Variants in SF3B3 observed in about 807,000 individuals in gnomAD.
SF3B3 encodes the protein splicing factor 3b subunit 3, also known as SAP 130.
SF3B3 carries 33 observed loss-of-function variants against 139.2 expected under a neutral mutation model. The observed-to-expected ratio is 0.24, with a 90% confidence interval of 0.18 to 0.32. The LOEUF (loss-of-function observed/expected upper bound fraction) is 0.32, where lower values mean the gene tolerates loss of function less well. Among genes scored for constraint, SF3B3 ranks in the 10% least tolerant of loss-of-function variants. The probability of loss-of-function intolerance (pLI) is 1.00; values close to 1 mark genes in which losing one functional copy is unlikely to be tolerated. For missense variants in SF3B3, 818 were observed against 1,509.4 expected (o/e 0.54, Z 7.59); for synonymous variants, 596 against 563.6 (o/e 1.06, Z -0.81).
intron 11 of SF3B3, among the ~76,000 whole-genome samples, chr16:70,549,074 C>CA (rs1205945237): frequency 1.3e-5 from 2 of 152,154 alleles, no homozygotes; most frequent in Non-Finnish European, 2.9e-5. Context: ...AGTCTTGTGA[C>CA]AATTGAATTG....
rs770674418 is a variant in SF3B3, at chr16:70,548,457, C to G, written c.1402+15C>G. 14 of 1,611,244 alleles carry G rather than the reference C, an allele frequency of 8.7e-6. No individual in the cohort carries two copies. Among genetic ancestry groups the G allele is most frequent in the Admixed American group, 1.7e-5 (1 of 59,986 alleles). On this transcript the variant is annotated intron_variant, in intron 11 of 25. Transcript: ENST00000302516. ...ACACATTGAAGGTAAGCAGCTTTTT[C>G]CCAATAGTCAAAATGAGGATCTAGG...
At chr16:70,547,690 T>G (rs2050281739) in intron 10 of SF3B3, among the ~76,000 whole-genome samples, 1 of 151,980 alleles carries the variant, frequency 6.6e-6, no homozygotes, top group Non-Finnish European at 1.5e-5. Flanking sequence ...GCCTCCCGGG[T>G]TCAAGCGATT....
At chr16:70,526,453 C>T (rs535138201) in intron 1 of SF3B3, 134 bp from the exon 2 acceptor site, 16 of 526,642 alleles carry the variant, frequency 3.0e-5, no homozygotes, top group African/African-American at 1.2e-4. Context: ...TGAGCCACCA[C>T]GCCCGGTCAC....
chr16:70,554,621 A>T, intron 12 of SF3B3, 24 bp downstream of exon 12: 1 of 1,613,174 alleles, frequency 6.2e-7, no homozygotes, highest in Non-Finnish European at 8.5e-7. Context: ...GAGCTTACCT[A>T]CTTGGCCTGC....
intron 4 of SF3B3, among the ~76,000 whole-genome samples, chr16:70,531,715 CAA>C (rs2050123539): frequency 6.6e-6 from 1 of 152,196 alleles, no homozygotes; most frequent in Non-Finnish European, 1.5e-5. Context: ...CCTATGGAAA[CAA>C]GATATTTATT....
rs2050430711 is a variant in SF3B3, at chr16:70,561,678, C to T, written c.2182C>T (p.Arg728Cys). The T allele has an allele frequency of 1.2e-6, 2 of 1,613,922 alleles. No individual in the cohort carries two copies. The highest frequency in any genetic ancestry group is 1.7e-6 in the Non-Finnish European group (2 of 1,179,896). Residue 728 changes from arginine (R) to cysteine (C), a missense_variant, in exon 17 of 26, where the codon CGC becomes TGC. Arg to Cys is a radical substitution (Grantham distance 180). Around this residue, in one of 14 missense-constraint regions of SF3B3, gnomAD observed 170 missense variants for 353.0 expected, o/e 0.48. Transcript: ENST00000302516. Reference sequence around the variant, plus strand: ...ATGGTTGAGCTATTCTTACCAATCTCGCTTCCATCTCACCCCACTGTCTTA... The same window carrying T: ...ATGGTTGAGCTATTCTTACCAATCTTGCTTCCATCTCACCCCACTGTCTTA... ...RSWLSYSYQS[R>C]FHLTPLSYET... is the part of the protein sequence containing the mutation.
chr16:70,563,610 A>T, intron 17 of SF3B3: 1 of 366,448 alleles, frequency 2.7e-6, no homozygotes, highest in South Asian at 5.9e-5. Flanking sequence ...TTAAAAAAAA[A>T]CTTTTGACAA....
At position 70,557,156 on chromosome 16, in the gene SF3B3, T is replaced by C. The variant is rs189027483; in HGVS notation, c.2010+127T>C. 4 of 980,432 alleles carry C rather than the reference T, an allele frequency of 4.1e-6. No individual in the cohort carries two copies. In the Admixed American group the frequency reaches 1.3e-4, roughly 31 times the overall value. The allele number at this position is 980,432 out of a possible 1,614,324, so 60.7% of individuals were successfully genotyped here. A position where few individuals can be genotyped will look rare whatever the true frequency, so the allele number is the denominator to read the frequency against. On this transcript the variant is annotated intron_variant, in intron 15 of 25. Coordinates refer to ENST00000302516, the MANE Select transcript of SF3B3 (RefSeq NM_012426.5). ...TCCTCACCTTATGAAAAGTGAACAG[T>C]GTCACTCTGGGTTCCACTTTTCTCA...
chr16:70,562,743 C>G (rs1239794479), intron 17 of SF3B3, among the ~76,000 whole-genome samples: 1 of 152,188 alleles, frequency 6.6e-6, no homozygotes, highest in Non-Finnish European at 1.5e-5. Context: ...TTACTTCCCC[C>G]CAAAACTAAA....
chr16:70,527,648 A>T (rs1306245245), intron 2 of SF3B3, among the ~76,000 whole-genome samples: 1 of 152,142 alleles, frequency 6.6e-6, no homozygotes, highest in Non-Finnish European at 1.5e-5. Flanking sequence ...CGTATATGGG[A>T]ATTTGGAGAT....
intron 5 of SF3B3, among the ~76,000 whole-genome samples, chr16:70,534,114 C>T (rs187842665): frequency 1.6e-4 from 24 of 152,188 alleles, no homozygotes; most frequent in Non-Finnish European, 2.9e-4. Flanking sequence ...GGAAAGGAAA[C>T]GAATGTGTTA....
chr16:70,563,132 T>G (rs201452932), intron 17 of SF3B3, among the ~76,000 whole-genome samples: 3 of 46,730 alleles, frequency 6.4e-5, no homozygotes, highest in Non-Finnish European at 1.3e-4. Context: ...CATACATGGC[T>G]TTTTTTTTGG....
At chr16:70,545,497 A>T (rs1218654240) in intron 10 of SF3B3, among the ~76,000 whole-genome samples, 1 of 152,174 alleles carries the variant, frequency 6.6e-6, no homozygotes, top group African/African-American at 2.4e-5. Flanking sequence ...TGAATCCCAT[A>T]TTCTCTGTGT....
chr16:70,529,666 GTATCC>G (rs894895448), intron 3 of SF3B3: 70 of 158,614 alleles, frequency 4.4e-4, no homozygotes, highest in Non-Finnish European at 8.5e-4. Context: ...CTGTTTTTCA[GTATCC>G]TTAAATGTAG....
chr16:70,549,286 A>C (rs2050298678), intron 11 of SF3B3, among the ~76,000 whole-genome samples: 1 of 152,226 alleles, frequency 6.6e-6, no homozygotes, highest in South Asian at 2.1e-4. Context: ...GTTGGGAGAC[A>C]TGTAGGAGGA....
rs1389198649 is a variant in SF3B3 at position 70,535,315 on chromosome 16, A to G, written c.720A>G (p.Gly240=). 1 of 1,557,444 alleles carries G rather than the reference A, an allele frequency of 6.4e-7. No individual in the cohort carries two copies. The highest frequency in any genetic ancestry group is 1.2e-5 in the South Asian group (1 of 83,858). The change falls in exon 6 of 26, where the codon GGA becomes GGG. Residue 240 remains glycine, a synonymous_variant. Coordinates refer to ENST00000302516, the MANE Select transcript of SF3B3 (RefSeq NM_012426.5). ...EHGNFLITVP[G]GSDGPSGVLI... The stretch of plus-strand genomic sequence containing the variant: ...TTTTATTTTCTCTCACAGTTCCAGG[A>G]GGGTCAGATGGTCCAAGTGGAGTAC...
chr16:70,565,122 G>A lies in SF3B3; in HGVS notation c.2521G>A (p.Ala841Thr). 2 of 1,614,148 alleles carry A rather than the reference G, an allele frequency of 1.2e-6. No individual in the cohort carries two copies. Among genetic ancestry groups the A allele is most frequent in the Non-Finnish European group, 1.7e-6 (2 of 1,180,044 alleles). Residue 841 changes from alanine to threonine, a missense_variant, in exon 19 of 26, where the codon GCA becomes ACA. Transcript: ENST00000302516. The stretch of plus-strand genomic sequence containing the variant: ...GGAGCTGGCCGCAGAGATGGCAGCA[G>A]CATTCCTCAATGAAAACCTCCCTGA... The part of the protein sequence containing the change: ...ERELAAEMAA[A>T]FLNENLPESI...
chr16:70,569,877 T>A lies in SF3B3; in HGVS notation c.3265-129T>A, dbSNP rs2050511903. 5 of 993,786 alleles carry A rather than the reference T, an allele frequency of 5.0e-6. No individual in the cohort carries two copies. The East Asian group carries it at 1.3e-4, about 26-fold the overall frequency. The allele number at this position is 993,786 out of a possible 1,614,324, so 61.6% of individuals were successfully genotyped here. A position where few individuals can be genotyped will look rare whatever the true frequency, so the allele number is the denominator to read the frequency against. ...CCTGGGCTCAAGCAATCCTCCCACG[T>A]TGGCCTCTATAATAATTTTTGGATG... On this transcript the variant is annotated intron_variant, in intron 23 of 25. Coordinates refer to ENST00000302516, the MANE Select transcript of SF3B3 (RefSeq NM_012426.5).
chr16:70,547,427 A>T (rs536986416), intron 10 of SF3B3, among the ~76,000 whole-genome samples: 2 of 152,316 alleles, frequency 1.3e-5, no homozygotes, highest in African/African-American at 4.8e-5. Context: ...TATAACCTAC[A>T]CCCAGTTTTC....
Sources: gnomAD v4.1 joint callset for allele counts (sites outside exome capture counted in the v4.1 genomes callset) on GRCh38, gnomAD v4.1.1 for gene constraint, gnomAD v4.1.1 regional missense constraint, MANE v1.5 for transcripts, NCBI Gene and HGNC (gene_info 2026-07-23, HGNC 2026-07-21) for gene names.